The following TUSC3 variants were observed in gnomAD, a reference collection of about 807,000 sequenced individuals.
The protein encoded by TUSC3 is tumor suppressor candidate 3.
A neutral mutation model predicts 44.8 loss-of-function variants in TUSC3; 45 were observed. The ratio of observed to expected loss-of-function variants is 1.00; its 90% CI spans 0.79 to 1.29. The LOEUF is 1.29. TUSC3 is among the 50% of genes most tolerant of loss of function. The pLI, the probability that TUSC3 is intolerant of heterozygous loss-of-function variation, is 0.00. For synonymous variants in TUSC3, 212 were observed against 152.9 expected (o/e 1.39, Z -2.85); for missense variants, 519 against 437.9 (o/e 1.19, Z -1.65).
intron 2 of TUSC3, among the ~76,000 whole-genome samples, chr8:15,523,680 G>GTA (rs1563273640): frequency 1.9e-4 from 7 of 37,696 alleles, no homozygotes; most frequent in African/African-American, 5.7e-4. Flanking sequence ...GTGTGTGTGT[G>GTA]TGTGTGTGTG....
At chr8:15,470,684 G>A (rs2129122967) in intron 1 of TUSC3, among the ~76,000 whole-genome samples, 1 of 152,202 alleles carries the variant, frequency 6.6e-6, no homozygotes, top group Non-Finnish European at 1.5e-5. Context: ...CATTAAAACA[G>A]ATGAGAAAAA....
At chr8:15,631,908 CG>C (rs946413574) in intron 2 of TUSC3, among the ~76,000 whole-genome samples, 1 of 151,984 alleles carries the variant, frequency 6.6e-6, no homozygotes, top group African/African-American at 2.4e-5. Flanking sequence ...GGGGTTTCAG[CG>C]TGTTGGCCAG....
At chr8:15,430,767 C>T (rs2129116794) in intron 1 of TUSC3, among the ~76,000 whole-genome samples, 1 of 151,796 alleles carries the variant, frequency 6.6e-6, no homozygotes, top group South Asian at 2.1e-4. Context: ...AGCTGATAAG[C>T]AACTTCAGCA....
At chr8:15,645,812 C>T (rs1806599703) in intron 2 of TUSC3, among the ~76,000 whole-genome samples, 2 of 151,980 alleles carry the variant, frequency 1.3e-5, no homozygotes, top group African/African-American at 4.8e-5. Flanking sequence ...ATTTTTTCTT[C>T]CCCTCAACAC....
chr8:15,676,067 G>A (rs1344645099), intron 6 of TUSC3, among the ~76,000 whole-genome samples: 7 of 151,902 alleles, frequency 4.6e-5, no homozygotes, highest in African/African-American at 1.7e-4. Flanking sequence ...TATGTGTTCC[G>A]TTTTCTACAC....
intron 2 of TUSC3, among the ~76,000 whole-genome samples, chr8:15,649,612 T>G (rs1806795016): frequency 6.6e-6 from 1 of 151,846 alleles, no homozygotes; most frequent in Admixed American, 6.6e-5. Flanking sequence ...AAAGTTTAAT[T>G]ATGACATCTG....
In TUSC3 at chr8:15,560,572, TCTC is replaced by T. The variant is rs1299522444; in HGVS notation, c.138+20007_138+20009del. Among the ~76,000 whole-genome samples the T allele has an allele frequency of 1.0e-4, 15 of 144,962 alleles. 1 individual carries two copies. Among genetic ancestry groups the T allele is most frequent in the Admixed American group, 5.5e-4 (8 of 14,538 alleles). On this transcript the variant is annotated intron_variant, in intron 1 of 10. Coordinates refer to ENST00000503731, the MANE Select transcript of TUSC3 (RefSeq NM_006765.4). ...GCCTGCCTTGCTAGATTGGGGAAGT[TCTC>T]CTGGATAATATCCTGCAGAGTGTTT... is the stretch of plus-strand genomic sequence containing the variant.
chr8:15,629,023 G>A (rs909695810), intron 2 of TUSC3, among the ~76,000 whole-genome samples: 1 of 152,226 alleles, frequency 6.6e-6, no homozygotes, highest in African/African-American at 2.4e-5. Flanking sequence ...CAGGTTTTGT[G>A]TAGAAGTAGG....
chr8:15,575,489 G>A lies in TUSC3; in HGVS notation c.138+34921G>A, dbSNP rs940609559. Among the ~76,000 whole-genome samples the A allele has an allele frequency of 7.9e-5, 12 of 152,254 alleles. 1 individual carries two copies. Among genetic ancestry groups the A allele is most frequent in the African/African-American group, 2.9e-4 (12 of 41,552 alleles). ...ATTTCAAAAATTCTTCTGAGGGCTGGGTATGGTGGCTCACGCCTGTAATCC... is the reference window on the plus strand; with the variant it reads ...ATTTCAAAAATTCTTCTGAGGGCTGAGTATGGTGGCTCACGCCTGTAATCC... On this transcript the variant is annotated intron_variant, in intron 1 of 10. Transcript: ENST00000503731.
At chr8:15,735,423 A>T (rs1810887755) in intron 7 of TUSC3, among the ~76,000 whole-genome samples, 1 of 152,208 alleles carries the variant, frequency 6.6e-6, no homozygotes, top group African/African-American at 2.4e-5. Context: ...TAGCCCAAAA[A>T]AGTTCCTAAG....
chr8:15,814,059 G>A, the TUSC3 span, among the ~76,000 whole-genome samples: 3 of 152,158 alleles, frequency 2.0e-5, no homozygotes, highest in African/African-American at 7.2e-5. Context: ...TGGATGTAGA[G>A]TACTTCTGTA....
the TUSC3 span, among the ~76,000 whole-genome samples, chr8:15,783,556 T>C: frequency 6.6e-6 from 1 of 151,886 alleles, no homozygotes; most frequent in African/African-American, 2.4e-5. Flanking sequence ...ATACAGACTC[T>C]AGAAAAAAAC....
rs117497110 is a variant in TUSC3, at chr8:15,739,974, T to C, written c.863-3564T>C. 7.0e-4 allele frequency among the ~76,000 whole-genome samples: 106 copies of C among 152,292 alleles called. No individual in the cohort carries two copies. The East Asian group carries it at 0.013, about 19-fold the overall frequency. ...AGAGAGTTATTGGTACTGGGTAAGA[T>C]AGTGAATAAAACAAAGTTCTTGCCC... On this transcript the variant is annotated intron_variant, in intron 7 of 10. Transcript: ENST00000503731.
At position 15,540,517 on chromosome 8, in the gene TUSC3, C is replaced by G. The variant is rs78626330; in HGVS notation, c.87C>G (p.Leu29=). ...CCACCGGGAGCTTTCCCTTCCTTCT[C>G]CTGCTGCTGCTGCTCTGCATCCAGC... is the stretch of plus-strand genomic sequence containing the variant. ...YLPTGSFPFL[L]LLLLLCIQLG... is the part of the protein sequence containing the mutation. The change falls in exon 1 of 11, where the codon CTC becomes CTG. Residue 29 remains leucine, a synonymous_variant. Coordinates refer to ENST00000503731, the MANE Select transcript of TUSC3 (RefSeq NM_006765.4). 19 of 1,607,588 alleles carry G rather than the reference C, an allele frequency of 1.2e-5. No homozygotes were observed. In the African/African-American group the frequency reaches 1.2e-4, roughly 10 times the overall value.
At chr8:15,660,890 C>T (rs565307486) in intron 4 of TUSC3, among the ~76,000 whole-genome samples, 7 of 130,162 alleles carry the variant, frequency 5.4e-5, no homozygotes, top group South Asian at 5.3e-4. Flanking sequence ...CGCATTTAGT[C>T]GATAAACTTT....
chr8:15,715,699 G>GAA lies in TUSC3; in HGVS notation c.799-14957_799-14956dup, dbSNP rs5889599. Among the ~76,000 whole-genome samples, 1,041 of 140,954 alleles carry GAA rather than the reference G, an allele frequency of 7.4e-3. 17 individuals carry two copies. The highest frequency in any genetic ancestry group is 0.025 in the African/African-American group (990 of 38,994). 92.5% of individuals were successfully genotyped at this position (140,954 alleles called of 152,430 possible). Reference sequence around the variant, plus strand: ...ACTATGCATTTCCTGATGTAAAACAGAAAAAAAAAAATTATTTCACATTTT... The same window carrying GAA: ...ACTATGCATTTCCTGATGTAAAACAGAAAAAAAAAAAAATTATTTCACATTTT... On this transcript the variant is annotated intron_variant, in intron 6 of 10. Transcript: ENST00000503731.
chr8:15,711,123 C>G (rs1399085977), intron 6 of TUSC3, among the ~76,000 whole-genome samples: 1 of 151,292 alleles, frequency 6.6e-6, no homozygotes, highest in Non-Finnish European at 1.5e-5. Context: ...TTCGCTTTCC[C>G]TTTTTTTTCT....
chr8:15,696,088 C>G (rs995125111), intron 6 of TUSC3, among the ~76,000 whole-genome samples: 1 of 152,178 alleles, frequency 6.6e-6, no homozygotes, highest in African/African-American at 2.4e-5. Flanking sequence ...ATCCCCAAGA[C>G]AATGGGGAAA....
the TUSC3 span, among the ~76,000 whole-genome samples, chr8:15,779,824 A>G: frequency 6.6e-6 from 1 of 152,178 alleles, no homozygotes; most frequent in Non-Finnish European, 1.5e-5. Flanking sequence ...AACTCTCACC[A>G]AACTAGGCAG....
Sources: allele counts gnomAD v4.1 joint callset (sites outside exome capture counted in the v4.1 genomes callset), GRCh38; gene constraint gnomAD v4.1.1; transcripts MANE v1.5; gene names NCBI Gene and HGNC (gene_info 2026-07-23, HGNC 2026-07-21).